The following PIK3C2A variants were observed in gnomAD, a reference collection of about 807,000 sequenced individuals.
PIK3C2A encodes the protein phosphatidylinositol-4-phosphate 3-kinase catalytic subunit type 2 alpha.
Under a neutral mutation model 204.5 loss-of-function variants are expected in PIK3C2A, and 97 were observed. The ratio of observed to expected loss-of-function variants is 0.47; its 90% CI spans 0.40 to 0.56. The LOEUF is 0.56. Among genes scored for constraint, PIK3C2A ranks in the 20% least tolerant of loss-of-function variants. The pLI, the probability that PIK3C2A is intolerant of heterozygous loss-of-function variation, is 0.00. For missense variants in PIK3C2A, 1,735 were observed against 1,969.2 expected, an observed-to-expected ratio of 0.88 and a Z score of 2.25; for synonymous variants, 653 against 664.4, an observed-to-expected ratio of 0.98 and a Z score of 0.26.
At chr11:17,163,756 C>G (rs1252510936) in intron 2 of PIK3C2A, among the ~76,000 whole-genome samples, 1 of 152,050 alleles carries the variant, frequency 6.6e-6, no homozygotes, top group Non-Finnish European at 1.5e-5. Flanking sequence ...AGATTGTCAT[C>G]TAATGTAACA....
intron 1 of PIK3C2A, among the ~76,000 whole-genome samples, chr11:17,181,059 G>A (rs922766693): frequency 2.6e-5 from 4 of 151,022 alleles, no homozygotes; most frequent in African/African-American, 9.9e-5. Context: ...GGGAAGAGAT[G>A]CATAGGGCAA....
At chr11:17,188,363 C>T (rs1851827282) in intron 1 of PIK3C2A, among the ~76,000 whole-genome samples, 1 of 146,092 alleles carries the variant, frequency 6.8e-6, no homozygotes, top group Non-Finnish European at 1.5e-5. Flanking sequence ...AAAGAAATGT[C>T]ACAGAACAGA....
intron 17 of PIK3C2A, 149 bp downstream of exon 17, chr11:17,119,071 A>G: frequency 1.7e-6 from 1 of 598,906 alleles, no homozygotes; most frequent in East Asian, 2.9e-5. Context: ...AGTGGGGAAA[A>G]AATTCACACT....
At position 17,112,676 on chromosome 11, in the gene PIK3C2A, C is replaced by T. The variant is rs1849039035; in HGVS notation, c.3322-10G>A. The T allele has an allele frequency of 2.8e-6, 4 of 1,405,056 alleles. No homozygotes were observed. The highest frequency in any genetic ancestry group is 1.4e-5 in the South Asian group (1 of 70,374). 87.0% of individuals were successfully genotyped at this position (1,405,056 alleles called of 1,614,324 possible). A position where few individuals can be genotyped will look rare whatever the true frequency, so the allele number is the denominator to read the frequency against. ...TGAAGAAGGAACACGACTGCAAATA[C>T]AACATGTTAAGCATTAGAAAGATAA... is the stretch of plus-strand genomic sequence containing the variant. On this transcript the variant is annotated splice_polypyrimidine_tract_variant and intron_variant, in intron 20 of 32. Transcript: ENST00000691414.
intron 1 of PIK3C2A, among the ~76,000 whole-genome samples, chr11:17,177,972 AATCTCAGCTACTC>A (rs1366687375): frequency 1.3e-5 from 2 of 151,724 alleles, no homozygotes; most frequent in Non-Finnish European, 2.9e-5. Flanking sequence ...GGGTGTCTGT[AATCTCAGCTACTC>A]CCAAGGCTGA....
rs145953764 is a variant in PIK3C2A, at chr11:17,169,569, G to A, written c.173C>T (p.Ser58Leu). Residue 58 changes from serine to leucine, a missense_variant, in exon 2 of 33, where the codon TCA becomes TTA. Coordinates refer to ENST00000691414, the MANE Select transcript of PIK3C2A (RefSeq NM_002645.4). ...CTGTGCTTTTTTTCTGGTGCTGCTT[G>A]ACAACTCAAAGCCTCTCTGATTGTC... ...VTDNQRGFEL[S>L]SSTRKKAQVY... The A allele has an allele frequency of 6.8e-6, 11 of 1,614,086 alleles. No individual in the cohort carries two copies. In the East Asian group the frequency reaches 2.5e-4, roughly 36 times the overall value.
At chr11:17,122,373 G>C (rs763600122) in intron 14 of PIK3C2A, 40 bp from the exon 15 acceptor site, 1 of 1,305,478 alleles carries the variant, frequency 7.7e-7, no homozygotes, top group South Asian at 1.3e-5. Context: ...TACAGTCTAC[G>C]TATTTGCCAC....
chr11:17,156,695 T>C (rs1257309471), intron 2 of PIK3C2A, among the ~76,000 whole-genome samples: 2 of 152,232 alleles, frequency 1.3e-5, no homozygotes, highest in Non-Finnish European at 2.9e-5. Flanking sequence ...ACAATTCCTT[T>C]ATGAGTTTCC....
intron 2 of PIK3C2A, among the ~76,000 whole-genome samples, chr11:17,167,082 C>T (rs932313457): frequency 7.9e-5 from 12 of 152,004 alleles, no homozygotes; most frequent in African/African-American, 2.7e-4. Flanking sequence ...ACGATCCTCC[C>T]ACCTCAGCCT....
intron 1 of PIK3C2A, chr11:17,193,495 A>G: frequency 4.4e-6 from 2 of 451,758 alleles, no homozygotes; most frequent in South Asian, 3.1e-5. Flanking sequence ...AGACATGGCC[A>G]AGTCCAAGAA....
chr11:17,190,519 C>T (rs492263), intron 1 of PIK3C2A, among the ~76,000 whole-genome samples: 35,528 of 149,172 alleles, frequency 0.24, 5,244 homozygotes, highest in East Asian at 0.38. Flanking sequence ...TGCAGTGAGC[C>T]GAGATTGCGC....
At chr11:17,192,897 T>C (rs961193305) in intron 1 of PIK3C2A, among the ~76,000 whole-genome samples, 8 of 152,276 alleles carry the variant, frequency 5.3e-5, no homozygotes, top group Non-Finnish European at 1.0e-4. Context: ...TGAAATTTAA[T>C]TGCCATTGTG....
intron 27 of PIK3C2A, 105 bp from the exon 28 acceptor site, chr11:17,094,490 G>A (rs1355120217): frequency 1.8e-5 from 14 of 789,944 alleles, no homozygotes; most frequent in African/African-American, 8.8e-5. Flanking sequence ...TTGGGAGGCC[G>A]AGGTGGGTGG....
chr11:17,119,869 C>G lies in PIK3C2A; in HGVS notation c.2763G>C (p.Trp921Cys). The change falls in exon 16 of 33, where the codon TGG becomes TGC. Residue 921 changes from tryptophan (W) to cysteine (C), a missense_variant. Trp to Cys is a radical substitution (Grantham distance 215, BLOSUM62 -2). Transcript: ENST00000691414. ...ATGAGTAAGTTTTGGCAAGATTAAC[C>G]CATTTCCAGTTTGGGGCGCTTGCTA... ...KILASAPNWK[W>C]VNLAKTYSLL... 6.2e-7 allele frequency: 1 copy of G among 1,611,298 alleles called. No homozygotes were observed. Among genetic ancestry groups the G allele is most frequent in the Non-Finnish European group, 8.5e-7 (1 of 1,178,582 alleles).
At chr11:17,206,681 G>A (rs539374898) in intron 1 of PIK3C2A, among the ~76,000 whole-genome samples, 2 of 152,002 alleles carry the variant, frequency 1.3e-5, no homozygotes, top group South Asian at 2.1e-4. Context: ...GGAGGCAAAG[G>A]TACAAAGTCT....
chr11:17,141,196 T>C (rs1325820427), intron 8 of PIK3C2A: 2 of 152,138 alleles, frequency 1.3e-5, no homozygotes, highest in African/African-American at 4.8e-5. Context: ...TTTTAAAGGA[T>C]TTACAAACGT....
intron 11 of PIK3C2A, among the ~76,000 whole-genome samples, chr11:17,133,694 G>A (rs1323167239): frequency 6.6e-6 from 1 of 152,104 alleles, no homozygotes; most frequent in Non-Finnish European, 1.5e-5. Context: ...TTGGGAGACC[G>A]AGGTGGGCAG....
chr11:17,168,800 T>C lies in PIK3C2A; in HGVS notation c.942A>G (p.Thr314=). The C allele has an allele frequency of 6.2e-7, 1 of 1,614,088 alleles. No individual in the cohort carries two copies. The change falls in exon 2 of 33, where the codon ACA becomes ACG. Residue 314 remains threonine, a synonymous_variant. Coordinates refer to ENST00000691414, the MANE Select transcript of PIK3C2A (RefSeq NM_002645.4). The part of the protein sequence containing the change: ...WDAVLLEERS[T]ANCHLERKVN... ...CCTTTCTTTCAAGATGACAATTTGCTGTCGATCTCTCTTCAAGAAGAACAG... is the reference window on the plus strand; with the variant it reads ...CCTTTCTTTCAAGATGACAATTTGCCGTCGATCTCTCTTCAAGAAGAACAG...
At chr11:17,202,384 G>A (rs1389939884) in intron 1 of PIK3C2A, among the ~76,000 whole-genome samples, 1 of 151,974 alleles carries the variant, frequency 6.6e-6, no homozygotes, top group Non-Finnish European at 1.5e-5. Flanking sequence ...GACCAGCCTG[G>A]ACAATGTGGC....
Sources: gnomAD v4.1 joint callset for allele counts (sites outside exome capture counted in the v4.1 genomes callset) on GRCh38, gnomAD v4.1.1 for gene constraint, MANE v1.5 for transcripts, NCBI Gene and HGNC (gene_info 2026-07-23, HGNC 2026-07-21) for gene names.